Variants in VSTM2L observed in about 807,000 individuals in gnomAD.
VSTM2L encodes V-set and transmembrane domain containing 2 like.
VSTM2L carries 9 observed loss-of-function variants against 19.9 expected under a neutral mutation model. That is an observed-to-expected ratio of 0.45 (90% confidence interval 0.27 to 0.79). The LOEUF is 0.79. Ranked by LOEUF, VSTM2L falls within the 30% of genes least tolerant of loss-of-function variation. VSTM2L has a pLI of 0.15. For synonymous variants in VSTM2L, 127 were observed against 133.8 expected, an observed-to-expected ratio of 0.95 and a Z score of 0.35; for missense variants, 286 against 295.5, an observed-to-expected ratio of 0.97 and a Z score of 0.24.
At chr20:37,926,365 G>C (rs538384882) in intron 1 of VSTM2L, among the ~76,000 whole-genome samples, 5 of 152,154 alleles carry the variant, frequency 3.3e-5, no homozygotes, top group African/African-American at 9.6e-5. Context: ...CCCTGCCGCG[G>C]GACTGAGCCT....
intron 1 of VSTM2L, among the ~76,000 whole-genome samples, chr20:37,926,666 T>A (rs2122961465): frequency 6.6e-6 from 1 of 152,340 alleles, no homozygotes; most frequent in South Asian, 2.1e-4. Flanking sequence ...CACAAGGCAT[T>A]TGGACACTCT....
Position 37,944,433 on chromosome 20 carries a change from C to CA in VSTM2L, c.*180_*181insA. Reference sequence around the variant, plus strand: ...CTCAGCATGTAAGCCCCACCCACCCCTGCCCTTTCAGACCCCTGCGGTGAC... The same window carrying CA: ...CTCAGCATGTAAGCCCCACCCACCCCATGCCCTTTCAGACCCCTGCGGTGAC... On this transcript the variant is annotated 3_prime_UTR_variant, in exon 4 of 4. Coordinates refer to ENST00000373461, the MANE Select transcript of VSTM2L (RefSeq NM_080607.3). 1.7e-6 allele frequency: 2 copies of CA among 1,189,388 alleles called. No homozygotes were observed. The highest frequency in any genetic ancestry group is 2.2e-6 in the Non-Finnish European group (2 of 919,220). The allele number at this position is 1,189,388 out of a possible 1,614,324, so 73.7% of individuals were successfully genotyped here.
intron 1 of VSTM2L, among the ~76,000 whole-genome samples, chr20:37,908,841 T>G (rs2072764554): frequency 6.6e-6 from 1 of 152,082 alleles, no homozygotes; most frequent in Middle Eastern, 3.2e-3. Context: ...AGAGGAGAGA[T>G]AAACATATGG....
intron 1 of VSTM2L, among the ~76,000 whole-genome samples, chr20:37,921,530 C>T (rs58311946): frequency 9.2e-5 from 14 of 152,224 alleles, no homozygotes; most frequent in East Asian, 3.9e-4. Context: ...CTCTAGCTGC[C>T]GGGACATGGC....
chr20:37,926,467 C>G (rs1409434496), intron 1 of VSTM2L, among the ~76,000 whole-genome samples: 1 of 152,024 alleles, frequency 6.6e-6, no homozygotes, highest in Non-Finnish European at 1.5e-5. Flanking sequence ...GGCTTGAACC[C>G]GGGAGGCAGA....
chr20:37,932,751 T>C (rs2072918004), intron 2 of VSTM2L, among the ~76,000 whole-genome samples: 1 of 152,208 alleles, frequency 6.6e-6, no homozygotes, highest in South Asian at 2.1e-4. Context: ...CAAGGTCAGC[T>C]CTTGGAGGAA....
intron 3 of VSTM2L, among the ~76,000 whole-genome samples, chr20:37,939,014 CTG>C (rs538715125): frequency 3.7e-4 from 56 of 152,322 alleles, no homozygotes; most frequent in African/African-American, 1.3e-3. Flanking sequence ...GGTGTGGCCT[CTG>C]TCACCAGCTG....
intron 3 of VSTM2L, among the ~76,000 whole-genome samples, chr20:37,935,592 G>C (rs1422554139): frequency 6.6e-6 from 1 of 152,094 alleles, no homozygotes; most frequent in African/African-American, 2.4e-5. Flanking sequence ...TTCCCACGGA[G>C]CTCAGCTTGG....
chr20:37,912,049 T>TC (rs1288191650), intron 1 of VSTM2L, among the ~76,000 whole-genome samples: 1 of 152,160 alleles, frequency 6.6e-6, no homozygotes, highest in East Asian at 1.9e-4. Context: ...TTTCATCACT[T>TC]CCCCTGCCTC....
chr20:37,934,212 G>A (rs191289442), intron 3 of VSTM2L, among the ~76,000 whole-genome samples: 4 of 152,340 alleles, frequency 2.6e-5, no homozygotes, highest in South Asian at 4.1e-4. Context: ...TTGTCACCAG[G>A]CTGTGCTGCA....
chr20:37,910,257 G>T (rs112623350), intron 1 of VSTM2L, among the ~76,000 whole-genome samples: 3,062 of 152,340 alleles, frequency 0.02, 102 homozygotes, highest in African/African-American at 0.071. Flanking sequence ...AAAATGGTGG[G>T]TTAGTTTATA....
At chr20:37,919,383 A>C (rs1429456945) in intron 1 of VSTM2L, among the ~76,000 whole-genome samples, 1 of 151,848 alleles carries the variant, frequency 6.6e-6, no homozygotes, top group Non-Finnish European at 1.5e-5. Flanking sequence ...AGAAAGAAAC[A>C]AAGAGAACCC....
chr20:37,921,838 C>CAT (rs1555840029), intron 1 of VSTM2L, among the ~76,000 whole-genome samples: 1 of 91,784 alleles, frequency 1.1e-5, no homozygotes, highest in Non-Finnish European at 2.0e-5. Flanking sequence ...CTTTCTTTTC[C>CAT]TTTTTTTTTT....
intron 1 of VSTM2L, among the ~76,000 whole-genome samples, chr20:37,929,339 G>A (rs1267960358): frequency 2.6e-5 from 4 of 152,314 alleles, no homozygotes; most frequent in African/African-American, 7.2e-5. Flanking sequence ...GTCAGGCAGA[G>A]GCCAACACTG....
chr20:37,913,178 G>C (rs1037749814), intron 1 of VSTM2L, among the ~76,000 whole-genome samples: 2 of 152,200 alleles, frequency 1.3e-5, no homozygotes, highest in African/African-American at 2.4e-5. Flanking sequence ...TGTCTACACT[G>C]GTGGTTACTA....
chr20:37,921,212 A>G (rs531891910), intron 1 of VSTM2L, among the ~76,000 whole-genome samples: 2 of 152,340 alleles, frequency 1.3e-5, no homozygotes, highest in Admixed American at 1.3e-4. Context: ...CTTTAGGCAG[A>G]GGACTACCTG....
intron 1 of VSTM2L, among the ~76,000 whole-genome samples, chr20:37,912,083 T>G (rs1342870527): frequency 6.6e-6 from 1 of 152,222 alleles, no homozygotes; most frequent in Non-Finnish European, 1.5e-5. Flanking sequence ...CCCACCATGC[T>G]AGGAGGCGGG....
At chr20:37,905,193 G>A (rs892007452) in intron 1 of VSTM2L, among the ~76,000 whole-genome samples, 2 of 151,898 alleles carry the variant, frequency 1.3e-5, no homozygotes, top group African/African-American at 2.4e-5. Context: ...TCCTCTCCTC[G>A]CTCCGCTCAG....
At position 37,926,991 on chromosome 20, in the gene VSTM2L, G is replaced by C. The variant is rs116584690; in HGVS notation, c.122-4644G>C. ...ATTAGTAATTTCTTTTTTCCAAGAC[G>C]GAGTCTTGCTGTTGCCCAGGCTGGA... On this transcript the variant is annotated intron_variant, in intron 1 of 3. Transcript: ENST00000373461. Among the ~76,000 whole-genome samples the C allele has an allele frequency of 9.5e-3, 1,454 of 152,278 alleles. 28 individuals carry two copies. The highest frequency in any genetic ancestry group is 0.032 in the African/African-American group (1,336 of 41,554).
Sources: gnomAD v4.1 joint callset for allele counts (sites outside exome capture counted in the v4.1 genomes callset) on GRCh38, gnomAD v4.1.1 for gene constraint, MANE v1.5 for transcripts, NCBI Gene and HGNC (gene_info 2026-07-23, HGNC 2026-07-21) for gene names.